NELL1: variants seen among roughly 807,000 people sequenced by gnomAD.
The protein encoded by NELL1 is protein kinase C-binding protein NELL1.
In NELL1, 76 loss-of-function variants were observed where a neutral mutation model predicts 107.4. The ratio of observed to expected loss-of-function variants is 0.71; its 90% CI spans 0.59 to 0.86. The LOEUF (loss-of-function observed/expected upper bound fraction) is 0.86, where lower values mean the gene tolerates loss of function less well. Ranked by LOEUF, NELL1 falls within the 40% of genes least tolerant of loss-of-function variation. The pLI, the probability that NELL1 is intolerant of heterozygous loss-of-function variation, is 0.00. For missense variants in NELL1, 1,024 were observed against 1,005.5 expected (o/e 1.02, Z -0.25); for synonymous variants, 353 against 341.2 (o/e 1.03, Z -0.38).
At chr11:20,748,606 T>A (rs906177800) in intron 2 of NELL1, among the ~76,000 whole-genome samples, 22 of 152,256 alleles carry the variant, frequency 1.4e-4, no homozygotes. Flanking sequence ...AAATTTTGTA[T>A]GCCTTTGCAT....
chr11:21,116,099 T>G (rs1855229350), intron 13 of NELL1, among the ~76,000 whole-genome samples: 1 of 152,010 alleles, frequency 6.6e-6, no homozygotes. Context: ...CTCACCATTC[T>G]GCAGAGGATA....
chr11:20,934,020 C>A (rs144137070), intron 9 of NELL1, among the ~76,000 whole-genome samples: 171 of 152,144 alleles, frequency 1.1e-3, no homozygotes, highest in African/African-American at 4.0e-3. Flanking sequence ...TTCTAATCAC[C>A]CTGAAAGATG....
At chr11:21,456,301 A>T (rs928626127) in intron 15 of NELL1, among the ~76,000 whole-genome samples, 12 of 151,882 alleles carry the variant, frequency 7.9e-5, no homozygotes, top group African/African-American at 2.2e-4. Context: ...TTGTGGTCAG[A>T]TTCTATTGCT....
chr11:21,571,770 G>T (rs936478764), intron 18 of NELL1, among the ~76,000 whole-genome samples: 1 of 151,808 alleles, frequency 6.6e-6, no homozygotes, highest in Non-Finnish European at 1.5e-5. Context: ...CTAGCAGTGG[G>T]AAGACTTCTA....
chr11:21,532,668 CT>C (rs144324684), intron 15 of NELL1, among the ~76,000 whole-genome samples: 5,234 of 152,196 alleles, frequency 0.034, 300 homozygotes, highest in African/African-American at 0.12. Flanking sequence ...TTTCTGAGAG[CT>C]TTGGAAATAA....
At chr11:20,687,083 T>A (rs942885445) in intron 2 of NELL1, among the ~76,000 whole-genome samples, 31 of 151,404 alleles carry the variant, frequency 2.0e-4, no homozygotes, top group African/African-American at 6.8e-4. Flanking sequence ...GATTATGTTA[T>A]ATTTAGTATG....
At chr11:21,386,761 C>A (rs184481140) in intron 15 of NELL1, among the ~76,000 whole-genome samples, 2 of 151,916 alleles carry the variant, frequency 1.3e-5, no homozygotes, top group African/African-American at 2.4e-5. Context: ...TCCATAAATT[C>A]TATGCCTTCG....
chr11:20,793,818 A>C (rs1002289795), intron 3 of NELL1, among the ~76,000 whole-genome samples: 3 of 148,380 alleles, frequency 2.0e-5, no homozygotes, highest in Non-Finnish European at 4.5e-5. Flanking sequence ...TGAGGGCATA[A>C]AATATGTGCG....
intron 12 of NELL1, among the ~76,000 whole-genome samples, chr11:21,005,409 G>C (rs1180872135): frequency 1.3e-5 from 2 of 152,172 alleles, no homozygotes; most frequent in African/African-American, 4.8e-5. Context: ...TCCACCCTGT[G>C]GCTGTTCAGA....
intron 12 of NELL1, among the ~76,000 whole-genome samples, chr11:21,008,338 T>C (rs1852374167): frequency 6.6e-6 from 1 of 152,150 alleles, no homozygotes; most frequent in Admixed American, 6.6e-5. Context: ...GCTAATTATT[T>C]AGTAGAAAGA....
intron 13 of NELL1, among the ~76,000 whole-genome samples, chr11:21,154,290 C>A (rs540898999): frequency 6.6e-6 from 1 of 152,262 alleles, no homozygotes; most frequent in South Asian, 2.1e-4. Context: ...ATACACACAT[C>A]TCAGAGAATA....
At chr11:20,856,079 A>G (rs1297638533) in intron 4 of NELL1, among the ~76,000 whole-genome samples, 2 of 152,276 alleles carry the variant, frequency 1.3e-5, no homozygotes, top group African/African-American at 2.4e-5. Context: ...TTATAGCTGC[A>G]TCTGCTCAGC....
intron 5 of NELL1, among the ~76,000 whole-genome samples, chr11:20,887,054 C>T (rs773125840): frequency 2.0e-5 from 3 of 152,006 alleles, no homozygotes; most frequent in Non-Finnish European, 4.4e-5. Flanking sequence ...GTTTTCTGAC[C>T]CTGTAGTTTT....
chr11:20,739,453 TG>T (rs1855838462), intron 2 of NELL1, among the ~76,000 whole-genome samples: 1 of 152,238 alleles, frequency 6.6e-6, no homozygotes, highest in South Asian at 2.1e-4. Flanking sequence ...TGTGCTTTGT[TG>T]CTCTTTAAAT....
chr11:21,303,069 G>GTT lies in NELL1; in HGVS notation c.1550-67784_1550-67783insTT, dbSNP rs1849529112. ...GAGCAAGACCCCATATCTCTCTTTT[G>GTT]CTCTATATCTATATCTATATCTATA... is the stretch of plus-strand genomic sequence containing the variant. On this transcript the variant is annotated intron_variant, in intron 14 of 19. Coordinates refer to ENST00000357134, the MANE Select transcript of NELL1 (RefSeq NM_006157.5). 4.7e-5 allele frequency among the ~76,000 whole-genome samples: 4 copies of GTT among 84,224 alleles called. No homozygotes were observed. The South Asian group carries it at 1.2e-3, about 25-fold the overall frequency. The allele number at this position is 84,224 out of a possible 152,430, so 55.3% of individuals were successfully genotyped here.
intron 12 of NELL1, among the ~76,000 whole-genome samples, chr11:21,099,622 G>A (rs1236454257): frequency 2.6e-5 from 4 of 152,028 alleles, no homozygotes; most frequent in African/African-American, 9.7e-5. Context: ...CATAAGACGT[G>A]GTGCAAGGTA....
chr11:21,450,043 C>T (rs746236889), intron 15 of NELL1, among the ~76,000 whole-genome samples: 4 of 152,116 alleles, frequency 2.6e-5, no homozygotes, highest in Non-Finnish European at 5.9e-5. Flanking sequence ...AAACAAATTC[C>T]TAGCTTGCCT....
At chr11:21,539,022 C>T (rs535913228) in intron 16 of NELL1, among the ~76,000 whole-genome samples, 1 of 152,178 alleles carries the variant, frequency 6.6e-6, no homozygotes, top group Admixed American at 6.5e-5. Context: ...GCCCCATTTC[C>T]ATTAGTTAAA....
chr11:20,859,845 G>A (rs886729519), intron 4 of NELL1, among the ~76,000 whole-genome samples: 2 of 152,044 alleles, frequency 1.3e-5, no homozygotes, highest in African/African-American at 4.8e-5. Flanking sequence ...AATTTTCATG[G>A]ATGGCAATTT....
Sources: allele counts gnomAD v4.1 joint callset (sites outside exome capture counted in the v4.1 genomes callset), GRCh38; gene constraint gnomAD v4.1.1; transcripts MANE v1.5; gene names NCBI Gene and HGNC (gene_info 2026-07-23, HGNC 2026-07-21).